HPGD: variants seen among roughly 807,000 people sequenced by gnomAD.
The protein encoded by HPGD is 15-hydroxyprostaglandin dehydrogenase.
Under a neutral mutation model 30.0 loss-of-function variants are expected in HPGD, and 29 were observed. That is an observed-to-expected ratio of 0.97 (90% CI 0.72 to 1.32). The LOEUF is 1.32. Among genes scored for constraint, HPGD ranks in the 40% most tolerant of loss-of-function variants. The pLI is 0.00. For missense variants in HPGD, 340 were observed against 322.1 expected, an observed-to-expected ratio of 1.06 and a Z score of -0.43; for synonymous variants, 99 against 112.4, an observed-to-expected ratio of 0.88 and a Z score of 0.75.
intron 4 of HPGD, among the ~76,000 whole-genome samples, chr4:174,505,217 G>A (rs1384356718): frequency 2.6e-5 from 4 of 152,202 alleles, no homozygotes; most frequent in African/African-American, 9.6e-5. Context: ...TCAAACCAGT[G>A]TGCCAACTTA....
rs1488916492 is a variant in HPGD at position 174,508,690 on chromosome 4, C to T, written c.421+6G>A. ...ATGTTACATTTAATGTAATAATTGCCCTTACCTGCTAAAGATGACATATTG... is the reference window on the plus strand; with the variant it reads ...ATGTTACATTTAATGTAATAATTGCTCTTACCTGCTAAAGATGACATATTG... On this transcript the variant is annotated splice_donor_region_variant and intron_variant, in intron 4 of 6. Coordinates refer to ENST00000296522, the MANE Select transcript of HPGD (RefSeq NM_000860.6). 5 of 1,531,752 alleles carry T rather than the reference C, an allele frequency of 3.3e-6. No homozygotes were observed. In the South Asian group the frequency reaches 4.5e-5, roughly 14 times the overall value. 94.9% of individuals were successfully genotyped at this position (1,531,752 alleles called of 1,614,324 possible).
At chr4:174,514,773 T>C (rs1176888414) in intron 3 of HPGD, among the ~76,000 whole-genome samples, 1 of 152,100 alleles carries the variant, frequency 6.6e-6, no homozygotes, top group Non-Finnish European at 1.5e-5. Context: ...AACACCATAG[T>C]CTCTGCCCAA....
At chr4:174,521,699 A>T (rs981295108) in intron 2 of HPGD, among the ~76,000 whole-genome samples, 2 of 152,260 alleles carry the variant, frequency 1.3e-5, no homozygotes. Context: ...AATTTTGATT[A>T]CATTAATGCT....
Position 174,490,455 on chromosome 4 carries a change from G to A in HPGD, c.*1501C>T, listed in dbSNP as rs1734288400. The A allele has an allele frequency of 6.6e-6, 1 of 152,304 alleles. No individual in the cohort carries two copies. Among genetic ancestry groups the A allele is most frequent in the Non-Finnish European group, 1.5e-5 (1 of 68,016 alleles). 9.4% of individuals were successfully genotyped at this position (152,304 alleles called of 1,614,324 possible). ...AAAAGGTTATACTATTTACACGACA[G>A]AGGAAAAATACAGAAGATAAGTGAT... On this transcript the variant is annotated 3_prime_UTR_variant, in exon 7 of 7. Transcript: ENST00000296522. The surrounding 1 kb of genome is among the most constrained non-coding windows in gnomAD (Gnocchi z 4.4).
Position 174,494,658 on chromosome 4 carries a change from C to T in HPGD, c.498+890G>A, listed in dbSNP as rs1039419995. The stretch of plus-strand genomic sequence containing the variant: ...CTGTTTTTTCTGTCTCCTACTAATT[C>T]TTTGATTACTAATATTTTTCTCTTC... On this transcript the variant is annotated intron_variant, in intron 5 of 6. Coordinates refer to ENST00000296522, the MANE Select transcript of HPGD (RefSeq NM_000860.6). The surrounding 1 kb of genome is among the most constrained non-coding windows in gnomAD (Gnocchi z 4.9). Among the ~76,000 whole-genome samples, 9 of 152,222 alleles carry T rather than the reference C, an allele frequency of 5.9e-5. 1 individual carries two copies. Among genetic ancestry groups the T allele is most frequent in the East Asian group, 1.9e-4 (1 of 5,178 alleles).
intron 4 of HPGD, 123 bp downstream of exon 4, chr4:174,508,573 T>C: frequency 1.4e-6 from 1 of 723,748 alleles, no homozygotes. Flanking sequence ...TCCATGGAAC[T>C]ATAAAACGAT....
At chr4:174,497,564 C>CTTTTTTTTTTTTTTTTTTTTTTTTTTTT (rs1560976871) in intron 4 of HPGD, among the ~76,000 whole-genome samples, 2 of 14,226 alleles carry the variant, frequency 1.4e-4, no homozygotes, top group Non-Finnish European at 1.9e-4. Context: ...CTTTCTTTTT[C>CTTTTTTTTTTTTTTTTTTTTTTTTTTTT]TTTCTTTTTT....
intron 3 of HPGD, 67 bp from the exon 4 acceptor site, chr4:174,508,859 A>G (rs1394241826): frequency 3.5e-6 from 3 of 848,606 alleles, no homozygotes; most frequent in Admixed American, 3.4e-5. Context: ...TCACACACCA[A>G]AGTTTTTATA....
intron 4 of HPGD, among the ~76,000 whole-genome samples, chr4:174,503,978 C>T (rs1287004368): frequency 1.3e-5 from 2 of 152,146 alleles, no homozygotes; most frequent in African/African-American, 4.8e-5. Flanking sequence ...CCTGCCTTGG[C>T]CTCCCAAAGC....
In HPGD at chr4:174,515,154, A is replaced by T. The variant is rs556809864; in HGVS notation, c.324+2817T>A. ...CTACCATCATCATTTCCACAGAATT[A>T]AAAAAAACAATTTTCAAATTCATAT... On this transcript the variant is annotated intron_variant, in intron 3 of 6. Coordinates refer to ENST00000296522, the MANE Select transcript of HPGD (RefSeq NM_000860.6). 2.4e-4 allele frequency among the ~76,000 whole-genome samples: 37 copies of T among 152,146 alleles called. 1 individual carries two copies. The South Asian group carries it at 7.7e-3, about 32-fold the overall frequency.
Position 174,521,948 on chromosome 4 carries a change from C to T in HPGD, c.213G>A (p.Leu71=), listed in dbSNP as rs1456873872. The change falls in exon 2 of 7, where the codon CTG becomes CTA. Residue 71 remains leucine, a synonymous_variant. Coordinates refer to ENST00000296522, the MANE Select transcript of HPGD (RefSeq NM_000860.6). ...AGATTGATTCCCCTGTCTTACCTCT[C>T]AGTTGTTGCTGGTCAGCCACATCGC... ...IQCDVADQQQ[L]RDTFRKVVDH... The T allele has an allele frequency of 5.6e-6, 9 of 1,614,028 alleles. No individual in the cohort carries two copies. The highest frequency in any genetic ancestry group is 7.6e-6 in the Non-Finnish European group (9 of 1,180,030).
At position 174,491,853 on chromosome 4, in the gene HPGD, T is replaced by A. The variant is rs1304605161; in HGVS notation, c.*103A>T. The A allele has an allele frequency of 8.6e-6, 10 of 1,156,358 alleles. No homozygotes were observed. Among genetic ancestry groups the A allele is most frequent in the Non-Finnish European group, 1.2e-5 (9 of 774,336 alleles). 71.6% of individuals were successfully genotyped at this position (1,156,358 alleles called of 1,614,324 possible). Reference sequence around the variant, plus strand: ...TATCACCAAGTGCATGAAGGAAAACTTCAAACTGTAACATTTCATTTAAAA... The same window carrying A: ...TATCACCAAGTGCATGAAGGAAAACATCAAACTGTAACATTTCATTTAAAA... On this transcript the variant is annotated 3_prime_UTR_variant, in exon 7 of 7. Coordinates refer to ENST00000296522, the MANE Select transcript of HPGD (RefSeq NM_000860.6).
chr4:174,509,381 T>C (rs1349733806), intron 3 of HPGD, among the ~76,000 whole-genome samples: 1 of 152,200 alleles, frequency 6.6e-6, no homozygotes, highest in Non-Finnish European at 1.5e-5. Flanking sequence ...CACTGATTAA[T>C]TAATTTAATT....
chr4:174,517,819 A>C, intron 3 of HPGD, 152 bp downstream of exon 3: 1 of 569,084 alleles, frequency 1.8e-6, no homozygotes, highest in Non-Finnish European at 3.1e-6. Flanking sequence ...CCTTTTTATA[A>C]AAGAAAATGC....
chr4:174,507,271 C>T (rs1735235948), intron 4 of HPGD: 1 of 152,012 alleles, frequency 6.6e-6, no homozygotes. Context: ...AATCTGATTA[C>T]CCTGAAAAAT....
intron 4 of HPGD, among the ~76,000 whole-genome samples, chr4:174,497,154 C>T (rs1474756212): frequency 1.3e-5 from 2 of 152,142 alleles, no homozygotes; most frequent in African/African-American, 4.8e-5. Flanking sequence ...GGTTTCAGGA[C>T]AATGTTCATA....
intron 2 of HPGD, 111 bp downstream of exon 2, chr4:174,521,833 C>G (rs1736141642): frequency 1.6e-6 from 2 of 1,247,218 alleles, no homozygotes; most frequent in Admixed American, 3.4e-5. Flanking sequence ...AAGGTAGCTG[C>G]TCTCGAGGAG....
In HPGD at chr4:174,495,815, G is replaced by A. The variant is rs2303520; in HGVS notation, c.422-191C>T. 134,420 of 603,332 alleles carry A rather than the reference G, an allele frequency of 0.22. 17,300 individuals carry two copies. Among genetic ancestry groups the A allele is most frequent in the East Asian group, 0.52 (18,043 of 34,724 alleles). The allele number at this position is 603,332 out of a possible 1,614,324, so 37.4% of individuals were successfully genotyped here. On this transcript the variant is annotated intron_variant, in intron 4 of 6. Coordinates refer to ENST00000296522, the MANE Select transcript of HPGD (RefSeq NM_000860.6). ...GTGTAGTTTATTTGCTCCATGACCCGTGTCGTCCAGAATTTATAGTAGCTA... is the reference window on the plus strand; with the variant it reads ...GTGTAGTTTATTTGCTCCATGACCCATGTCGTCCAGAATTTATAGTAGCTA...
intron 2 of HPGD, among the ~76,000 whole-genome samples, chr4:174,518,486 C>T (rs763848563): frequency 3.9e-5 from 6 of 152,272 alleles, no homozygotes; most frequent in Middle Eastern, 3.4e-3. Flanking sequence ...GCTACTGAAG[C>T]TCTGTAGCTT....
Sources: allele counts gnomAD v4.1 joint callset (sites outside exome capture counted in the v4.1 genomes callset), GRCh38; gene constraint gnomAD v4.1.1; non-coding constraint Gnocchi (gnomAD v3.1); transcripts MANE v1.5; gene names NCBI Gene and HGNC (gene_info 2026-07-23, HGNC 2026-07-21).